The following VPS37A variants were observed in gnomAD, a reference collection of about 807,000 sequenced individuals.
The protein encoded by VPS37A is VPS37A subunit of ESCRT-I.
VPS37A carries 30 observed loss-of-function variants against 49.8 expected under a neutral mutation model. The ratio of observed to expected loss-of-function variants is 0.60; its 90% CI spans 0.45 to 0.82. The LOEUF is 0.82. Among genes scored for constraint, VPS37A ranks in the 40% least tolerant of loss-of-function variants. The pLI, the probability that VPS37A is intolerant of heterozygous loss-of-function variation, is 0.00. For synonymous variants in VPS37A, 195 were observed against 160.6 expected, an observed-to-expected ratio of 1.21 and a Z score of -1.62; for missense variants, 593 against 464.4, an observed-to-expected ratio of 1.28 and a Z score of -2.55.
the VPS37A span, chr8:17,309,456 G>A: frequency 8.7e-6 from 6 of 689,350 alleles, no homozygotes; most frequent in Non-Finnish European, 1.6e-5. Context: ...GCAAATGCAT[G>A]AACAGGCATT....
chr8:17,299,990 C>G, downstream of VPS37A: 1 of 1,614,136 alleles, frequency 6.2e-7, no homozygotes, highest in South Asian at 1.1e-5. Context: ...TCACTGTTGG[C>G]TGACAGATCT....
intron 1 of VPS37A, among the ~76,000 whole-genome samples, chr8:17,258,940 T>C (rs529143801): frequency 6.6e-6 from 1 of 152,232 alleles, no homozygotes; most frequent in South Asian, 2.1e-4. Flanking sequence ...AGTTCTGTGG[T>C]CTCAGTTGTC....
At chr8:17,290,016 A>G (rs888331443) in intron 11 of VPS37A, among the ~76,000 whole-genome samples, 20 of 152,174 alleles carry the variant, frequency 1.3e-4, no homozygotes, top group Middle Eastern at 3.2e-3. Context: ...TTATTGGTGT[A>G]TAGGAATGCT....
intron 1 of VPS37A, among the ~76,000 whole-genome samples, chr8:17,253,250 G>T (rs927157587): frequency 6.6e-6 from 1 of 152,084 alleles, no homozygotes; most frequent in Non-Finnish European, 1.5e-5. Context: ...AACCTGTGCC[G>T]TCTTCCATTT....
chr8:17,329,426 G>C, the VPS37A span, among the ~76,000 whole-genome samples: 1 of 152,190 alleles, frequency 6.6e-6, no homozygotes, highest in Non-Finnish European at 1.5e-5. Flanking sequence ...ACAGACAGCT[G>C]CCCTCCAGAA....
At chr8:17,300,003 A>C (rs1342963003), downstream of VPS37A, 4 of 1,614,096 alleles carry the variant, frequency 2.5e-6, no homozygotes, top group Non-Finnish European at 3.4e-6. Flanking sequence ...ACAGATCTGG[A>C]TCTGAACTTT....
intron 11 of VPS37A, among the ~76,000 whole-genome samples, chr8:17,293,028 G>C (rs1168349667): frequency 1.3e-5 from 2 of 151,978 alleles, no homozygotes; most frequent in African/African-American, 4.8e-5. Flanking sequence ...AGTTCTCCTG[G>C]ATATCCTGAA....
chr8:17,251,723 C>T (rs1023383278), intron 1 of VPS37A, among the ~76,000 whole-genome samples: 1 of 152,160 alleles, frequency 6.6e-6, no homozygotes, highest in Non-Finnish European at 1.5e-5. Context: ...GCAATTGTTA[C>T]TGTATTTTGT....
intron 1 of VPS37A, among the ~76,000 whole-genome samples, chr8:17,258,936 G>T (rs1409790802): frequency 2.0e-5 from 3 of 151,958 alleles, no homozygotes; most frequent in African/African-American, 4.8e-5. Flanking sequence ...TTATAGTTCT[G>T]TGGTCTCAGT....
At chr8:17,273,747 C>T (rs1417088743) in intron 4 of VPS37A, among the ~76,000 whole-genome samples, 1 of 151,848 alleles carries the variant, frequency 6.6e-6, no homozygotes, top group Non-Finnish European at 1.5e-5. Context: ...CTTATTTTTC[C>T]ATATACATTT....
intron 9 of VPS37A, 48 bp downstream of exon 9, chr8:17,280,491 C>T (rs1229916909): frequency 1.3e-6 from 2 of 1,516,402 alleles, no homozygotes; most frequent in African/African-American, 2.8e-5. Context: ...TTTTTTTAAT[C>T]TTATGTGCAT....
intron 2 of VPS37A, 58 bp from the exon 3 acceptor site, chr8:17,268,200 C>A: frequency 1.7e-6 from 2 of 1,179,124 alleles, no homozygotes; most frequent in South Asian, 1.4e-5. Context: ...AGATTTTGAC[C>A]ATATAATGTA....
At chr8:17,283,964 G>A (rs1815346834) in intron 9 of VPS37A, among the ~76,000 whole-genome samples, 1 of 152,144 alleles carries the variant, frequency 6.6e-6, no homozygotes, top group African/African-American at 2.4e-5. Flanking sequence ...ATAAACATGG[G>A]ATGTCTTCCA....
At chr8:17,268,743 A>C (rs901186976) in intron 3 of VPS37A, 113 bp from the exon 4 acceptor site, 3 of 738,688 alleles carry the variant, frequency 4.1e-6, no homozygotes, top group Non-Finnish European at 6.6e-6. Flanking sequence ...ATCCTTTTTC[A>C]TTTAATTCTT....
chr8:17,276,615 A>T (rs552731856), intron 6 of VPS37A, 148 bp downstream of exon 6: 7 of 740,284 alleles, frequency 9.5e-6, no homozygotes, highest in Non-Finnish European at 1.5e-5. Context: ...TTTAAAAATC[A>T]GTTTTAGGTC....
downstream of VPS37A, among the ~76,000 whole-genome samples, chr8:17,306,229 C>A (rs975603785): frequency 1.3e-5 from 2 of 152,056 alleles, no homozygotes; most frequent in African/African-American, 4.8e-5. Flanking sequence ...ACACTTTCCA[C>A]AGAAAAAGGG....
At chr8:17,262,763 A>G (rs1188146107) in intron 1 of VPS37A, among the ~76,000 whole-genome samples, 2 of 152,162 alleles carry the variant, frequency 1.3e-5, no homozygotes, top group Non-Finnish European at 2.9e-5. Context: ...TTATGCAGCC[A>G]TTAAAAATTA....
the VPS37A span, among the ~76,000 whole-genome samples, chr8:17,315,488 A>G: frequency 6.6e-5 from 10 of 152,182 alleles, no homozygotes; most frequent in African/African-American, 9.7e-5. Context: ...CGATGTGCCA[A>G]TGTAGGTGCA....
chr8:17,258,908 G>A (rs186847362), intron 1 of VPS37A, among the ~76,000 whole-genome samples: 7 of 151,998 alleles, frequency 4.6e-5, no homozygotes, highest in Admixed American at 4.6e-4. Flanking sequence ...ATAATTCATA[G>A]TGGTGCCTAA....
Sources: allele counts gnomAD v4.1 joint callset (sites outside exome capture counted in the v4.1 genomes callset), GRCh38; gene constraint gnomAD v4.1.1; transcripts MANE v1.5; gene names NCBI Gene and HGNC (gene_info 2026-07-23, HGNC 2026-07-21).